The following CCM2 variants were observed in gnomAD, a reference collection of about 807,000 sequenced individuals.
CCM2 encodes the protein cerebral cavernous malformations 2 protein.
A neutral mutation model predicts 44.9 loss-of-function variants in CCM2; 25 were observed. That is an observed-to-expected ratio of 0.56 (90% CI 0.41 to 0.78). CCM2 has a LOEUF of 0.78. CCM2 is among the 30% of genes least tolerant of loss of function. CCM2 has a pLI of 0.00. For synonymous variants in CCM2, 219 were observed against 241.1 expected (o/e 0.91, Z 0.85); for missense variants, 481 against 580.6 (o/e 0.83, Z 1.76).
chr7:45,061,957 C>T (rs1040018008), intron 2 of CCM2, among the ~76,000 whole-genome samples: 18 of 152,216 alleles, frequency 1.2e-4, no homozygotes, highest in Admixed American at 1.1e-3. Context: ...CTGGTCCATG[C>T]TCAGTCTCTG....
At position 45,018,388 on chromosome 7, in the gene CCM2, C is replaced by T. The variant is rs537679510; in HGVS notation, c.30+18025C>T. Among the ~76,000 whole-genome samples, 15 of 152,224 alleles carry T rather than the reference C, an allele frequency of 9.9e-5. No individual in the cohort carries two copies. In the East Asian group the frequency reaches 1.7e-3, roughly 18 times the overall value. On this transcript the variant is annotated intron_variant, in intron 1 of 9. Coordinates refer to ENST00000258781, the MANE Select transcript of CCM2 (RefSeq NM_031443.4). Reference sequence around the variant, plus strand: ...ATTTATTTATTTTGAGATAGAGTCTCGCTTTGTCACCCAGGCTGGAGTGCA... The same window carrying T: ...ATTTATTTATTTTGAGATAGAGTCTTGCTTTGTCACCCAGGCTGGAGTGCA...
intron 1 of CCM2, among the ~76,000 whole-genome samples, chr7:45,013,671 A>T (rs1476576679): frequency 6.6e-6 from 1 of 152,104 alleles, no homozygotes. Context: ...TAGCTCTAGG[A>T]TCCATAGATT....
At chr7:45,020,793 A>T (rs967598176) in intron 1 of CCM2, among the ~76,000 whole-genome samples, 6 of 152,366 alleles carry the variant, frequency 3.9e-5, no homozygotes, top group Admixed American at 3.9e-4. Context: ...ATACATTTGT[A>T]TCTCAGAAGA....
chr7:45,022,646 T>C (rs2128719510), intron 1 of CCM2, among the ~76,000 whole-genome samples: 1 of 152,098 alleles, frequency 6.6e-6, no homozygotes, highest in Non-Finnish European at 1.5e-5. Context: ...TCTTTTTTCT[T>C]TCAAAAGAAA....
chr7:45,056,430 G>A (rs1217565017), intron 2 of CCM2, among the ~76,000 whole-genome samples: 5 of 152,150 alleles, frequency 3.3e-5, no homozygotes, highest in Non-Finnish European at 5.9e-5. Context: ...TGAGGCAGGA[G>A]GATCAATTGA....
At chr7:45,057,505 TCA>T (rs1190990140) in intron 2 of CCM2, among the ~76,000 whole-genome samples, 1 of 152,226 alleles carries the variant, frequency 6.6e-6, no homozygotes, top group East Asian at 1.9e-4. Flanking sequence ...TGTCTTTATA[TCA>T]CGCTCTTTCC....
Position 45,076,246 on chromosome 7 carries a change from G to A in CCM2, c.*189G>A. 1.2e-6 allele frequency: 1 copy of A among 807,916 alleles called. No individual in the cohort carries two copies. Among genetic ancestry groups the A allele is most frequent in the Admixed American group, 2.0e-5 (1 of 49,922 alleles). 50.0% of individuals were successfully genotyped at this position (807,916 alleles called of 1,614,324 possible). On this transcript the variant is annotated 3_prime_UTR_variant, in exon 10 of 10. Coordinates refer to ENST00000258781, the MANE Select transcript of CCM2 (RefSeq NM_031443.4). ...GAGCTGCCGAGGGACACGAGCCTCA[G>A]TGCGGGGTGGAAGGCTCTTTGCCTT...
At chr7:45,070,338 C>A (rs764950687) in intron 6 of CCM2, 44 of 395,500 alleles carry the variant, frequency 1.1e-4, no homozygotes, top group Non-Finnish European at 2.0e-4. Flanking sequence ...GGGGAGCCTC[C>A]TTTTCAGTAT....
chr7:45,020,338 C>T (rs1264822175), intron 1 of CCM2, among the ~76,000 whole-genome samples: 2 of 152,134 alleles, frequency 1.3e-5, no homozygotes, highest in Non-Finnish European at 2.9e-5. Context: ...CTACTTCTCT[C>T]TTAAGGGAAT....
intron 1 of CCM2, among the ~76,000 whole-genome samples, chr7:45,035,485 C>T (rs1797171937): frequency 6.6e-6 from 1 of 152,074 alleles, no homozygotes; most frequent in Non-Finnish European, 1.5e-5. Context: ...GGAGAGACTA[C>T]TCCTGGTCAA....
intron 1 of CCM2, chr7:45,027,242 C>G: frequency 3.5e-6 from 1 of 286,176 alleles, no homozygotes; most frequent in Non-Finnish European, 6.8e-6. Context: ...ACAGCCTTGT[C>G]GCGTGTTTCC....
At chr7:45,033,717 C>G (rs1448551249) in intron 1 of CCM2, among the ~76,000 whole-genome samples, 2 of 152,150 alleles carry the variant, frequency 1.3e-5, no homozygotes, top group African/African-American at 4.8e-5. Context: ...CTCTGTATTT[C>G]CATAACCTCC....
intron 2 of CCM2, among the ~76,000 whole-genome samples, chr7:45,041,864 G>T (rs1360666948): frequency 6.6e-6 from 1 of 152,194 alleles, no homozygotes; most frequent in African/African-American, 2.4e-5. Context: ...AACCAGGGAA[G>T]AATCAGTGGA....
At chr7:45,063,222 A>T (rs1197702534) in intron 2 of CCM2, 3 of 152,570 alleles carry the variant, frequency 2.0e-5, no homozygotes, top group Non-Finnish European at 4.4e-5. Context: ...ACAGGCATGC[A>T]CCACCACGTC....
chr7:45,062,373 G>A (rs1471256011), intron 2 of CCM2, among the ~76,000 whole-genome samples: 1 of 152,186 alleles, frequency 6.6e-6, no homozygotes, highest in East Asian at 1.9e-4. Flanking sequence ...GCAGGCAGGA[G>A]CACAGCAGGT....
At chr7:45,043,752 C>A in intron 2 of CCM2, 1 of 392,108 alleles carries the variant, frequency 2.6e-6, no homozygotes, top group Non-Finnish European at 4.9e-6. Flanking sequence ...TTTTCATGCC[C>A]TTTCATTTTT....
chr7:45,018,348 T>A (rs1271630060), intron 1 of CCM2, among the ~76,000 whole-genome samples: 1 of 152,088 alleles, frequency 6.6e-6, no homozygotes, highest in East Asian at 1.9e-4. Flanking sequence ...TTTCAGCATT[T>A]TTTATTATTT....
intron 1 of CCM2, among the ~76,000 whole-genome samples, chr7:45,025,191 A>T (rs1384595539): frequency 6.6e-6 from 1 of 152,158 alleles, no homozygotes; most frequent in South Asian, 2.1e-4. Flanking sequence ...AATTTTCGTA[A>T]ATTTTTTTAT....
At chr7:45,000,547 A>T (rs981489838) in intron 1 of CCM2, among the ~76,000 whole-genome samples, 184 bp downstream of exon 1, 1 of 150,888 alleles carries the variant, frequency 6.6e-6, no homozygotes, top group African/African-American at 2.5e-5. Flanking sequence ...CCGGGCGGGC[A>T]GGAAGCGCCG....
Sources: gnomAD v4.1 joint callset for allele counts (sites outside exome capture counted in the v4.1 genomes callset) on GRCh38, gnomAD v4.1.1 for gene constraint, MANE v1.5 for transcripts, NCBI Gene and HGNC (gene_info 2026-07-23, HGNC 2026-07-21) for gene names.